Variants in COL28A1 observed in about 807,000 individuals in gnomAD.
COL28A1 encodes the protein collagen type XXVIII alpha 1 chain.
COL28A1 carries 161 observed loss-of-function variants against 150.2 expected under a neutral mutation model. The observed-to-expected ratio is 1.07, with a 90% CI of 0.94 to 1.22. The LOEUF is 1.22. Among genes scored for constraint, COL28A1 ranks in the 50% most tolerant of loss-of-function variants. The pLI is 0.00. For synonymous variants in COL28A1, 552 were observed against 469.7 expected, an observed-to-expected ratio of 1.18 and a Z score of -2.26; for missense variants, 1,617 against 1,388.3, an observed-to-expected ratio of 1.16 and a Z score of -2.62.
the COL28A1 span, among the ~76,000 whole-genome samples, chr7:7,348,563 T>C: frequency 2.0e-5 from 3 of 152,118 alleles, no homozygotes; most frequent in Non-Finnish European, 4.4e-5. Context: ...ATAAACTGCA[T>C]ATATTTAAAG....
intron 15 of COL28A1, among the ~76,000 whole-genome samples, chr7:7,459,305 T>C (rs1411380235): frequency 1.3e-5 from 2 of 152,298 alleles, no homozygotes; most frequent in South Asian, 2.1e-4. Context: ...TATTTTGGAG[T>C]TGCTGTACAG....
intron 13 of COL28A1, among the ~76,000 whole-genome samples, chr7:7,488,132 T>C (rs1779727130): frequency 6.6e-6 from 1 of 152,178 alleles, no homozygotes; most frequent in Non-Finnish European, 1.5e-5. Context: ...AGGCACTTAG[T>C]CCTGAGGAAG....
At chr7:7,399,515 G>A (rs910602195) in intron 27 of COL28A1, among the ~76,000 whole-genome samples, 8 of 152,116 alleles carry the variant, frequency 5.3e-5, no homozygotes, top group African/African-American at 1.9e-4. Flanking sequence ...TGTGGAGGTT[G>A]GCCATCTTTT....
chr7:7,542,049 T>G, the COL28A1 span, among the ~76,000 whole-genome samples: 1 of 152,114 alleles, frequency 6.6e-6, no homozygotes, highest in South Asian at 2.1e-4. Flanking sequence ...TTGAAATGCA[T>G]CATAAAGAAA....
At position 7,373,602 on chromosome 7, in the gene COL28A1, TGAGGG is replaced by T; in HGVS notation, c.2360-61_2360-57del. 6.9e-7 allele frequency: 1 copy of T among 1,458,604 alleles called. No homozygotes were observed. Among genetic ancestry groups the T allele is most frequent in the South Asian group, 1.2e-5 (1 of 81,414 alleles). 90.4% of individuals were successfully genotyped at this position (1,458,604 alleles called of 1,614,324 possible). A position where few individuals can be genotyped will look rare whatever the true frequency, so the allele number is the denominator to read the frequency against. The stretch of plus-strand genomic sequence containing the variant: ...GTGGGAATGATTGACATCAGATTGT[TGAGGG>T]GAGGGGAGAAAAAGTCAATGATGAA... On this transcript the variant is annotated intron_variant, in intron 31 of 34. Transcript: ENST00000399429. The surrounding 1 kb of genome is among the most constrained non-coding windows in gnomAD (Gnocchi z 4.1).
intron 34 of COL28A1, 131 bp from the exon 35 acceptor site, chr7:7,358,936 T>A: frequency 1.5e-6 from 1 of 674,980 alleles, no homozygotes; most frequent in Non-Finnish European, 2.3e-6. Flanking sequence ...AATATGGTTC[T>A]AAGTAAGTGA....
At chr7:7,540,314 T>TTTTTACTTTTTACTTTTCACTTAC (rs1223473087), upstream of COL28A1, among the ~76,000 whole-genome samples, 5 of 152,246 alleles carry the variant, frequency 3.3e-5, no homozygotes. Flanking sequence ...TTTCACTTAG[T>TTTTTACTTTTTACTTTTCACTTAC]TCATTTTACT....
At chr7:7,352,995 GC>G (rs1386724248), downstream of COL28A1, among the ~76,000 whole-genome samples, 2 of 152,154 alleles carry the variant, frequency 1.3e-5, no homozygotes, top group East Asian at 3.9e-4. Context: ...GAAGCCTGGG[GC>G]TGAGTCACTG....
At position 7,531,531 on chromosome 7, in the gene COL28A1, T is replaced by C; in HGVS notation, c.498A>G (p.Pro166=). 6.2e-7 allele frequency: 1 copy of C among 1,611,940 alleles called. No homozygotes were observed. The highest frequency in any genetic ancestry group is 8.5e-7 in the Non-Finnish European group (1 of 1,178,132). ...VLLMTDGIDH[P]KNPDVQSISE... is the part of the protein sequence containing the mutation. ...AAATACTTTGAACATCTGGATTCTT[T>C]GGATGGTCGATGCCATCAGTCATCA... is the stretch of plus-strand genomic sequence containing the variant. Residue 166 remains proline (P), a synonymous_variant, in exon 3 of 35, where the codon CCA becomes CCG. Coordinates refer to ENST00000399429, the MANE Select transcript of COL28A1 (RefSeq NM_001037763.3).
intron 18 of COL28A1, among the ~76,000 whole-genome samples, chr7:7,450,275 G>C (rs1325861611): frequency 6.6e-6 from 1 of 152,064 alleles, no homozygotes. Flanking sequence ...TTCCATGTGG[G>C]TTAAATCCCT....
chr7:7,372,161 A>C (rs567136632), intron 32 of COL28A1, among the ~76,000 whole-genome samples: 2 of 152,038 alleles, frequency 1.3e-5, no homozygotes, highest in Non-Finnish European at 2.9e-5. Flanking sequence ...GCACTTTGGG[A>C]GGCCGAGGCG....
At chr7:7,511,208 G>T in intron 8 of COL28A1, 73 bp from the exon 9 acceptor site, 5 of 1,248,444 alleles carry the variant, frequency 4.0e-6, no homozygotes, top group Non-Finnish European at 5.8e-6. Flanking sequence ...TTGTTTGTTT[G>T]TTTTTTAAAT....
At chr7:7,437,961 G>A (rs1263853450) in intron 21 of COL28A1, among the ~76,000 whole-genome samples, 1 of 150,784 alleles carries the variant, frequency 6.6e-6, no homozygotes, top group Non-Finnish European at 1.5e-5. Flanking sequence ...TGGGCTGGGT[G>A]TGGTGGCTCA....
At chr7:7,381,483 T>C in intron 28 of COL28A1, 61 bp downstream of exon 28, 1 of 1,222,706 alleles carries the variant, frequency 8.2e-7, no homozygotes, top group Non-Finnish European at 1.2e-6. Context: ...TCTTCCAAAG[T>C]TAAAGTTAAG....
intron 33 of COL28A1, among the ~76,000 whole-genome samples, chr7:7,366,980 G>A (rs74621416): frequency 0.064 from 9,813 of 152,290 alleles, 1,079 homozygotes; most frequent in African/African-American, 0.22. Context: ...GTGTGTGCGC[G>A]CGTGCATGTC....
chr7:7,389,592 T>C (rs914391580), intron 27 of COL28A1, among the ~76,000 whole-genome samples: 3 of 152,200 alleles, frequency 2.0e-5, no homozygotes, highest in Non-Finnish European at 2.9e-5. Context: ...TTGGGCAGTA[T>C]GACCATTTTC....
chr7:7,417,371 C>T (rs1265520604), intron 27 of COL28A1, among the ~76,000 whole-genome samples: 4 of 151,288 alleles, frequency 2.6e-5, no homozygotes, highest in East Asian at 2.0e-4. Context: ...CCCAGAGATT[C>T]GGATTTCGTT....
At chr7:7,356,292 A>G (rs1414948661), downstream of COL28A1, 1 of 152,228 alleles carries the variant, frequency 6.6e-6, no homozygotes, top group Non-Finnish European at 1.5e-5. Context: ...AAAATTACCT[A>G]TAAATGTCAA....
At chr7:7,408,588 T>G (rs1356130046) in intron 27 of COL28A1, among the ~76,000 whole-genome samples, 1 of 152,162 alleles carries the variant, frequency 6.6e-6, no homozygotes, top group Non-Finnish European at 1.5e-5. Context: ...AGTCTTTGAA[T>G]GTATGAGAAG....
Sources: gnomAD v4.1 joint callset for allele counts (sites outside exome capture counted in the v4.1 genomes callset) on GRCh38, gnomAD v4.1.1 for gene constraint, Gnocchi (gnomAD v3.1) non-coding constraint, MANE v1.5 for transcripts, NCBI Gene and HGNC (gene_info 2026-07-23, HGNC 2026-07-21) for gene names.